The following OPTN variants were observed in gnomAD, a reference collection of about 807,000 sequenced individuals.
The protein encoded by OPTN is optineurin.
OPTN carries 54 observed loss-of-function variants against 70.4 expected under a neutral mutation model. The observed-to-expected ratio is 0.77, with a 90% CI of 0.62 to 0.96. OPTN has a LOEUF of 0.96. Among genes scored for constraint, OPTN ranks in the 40% least tolerant of loss-of-function variants. OPTN has a pLI of 0.00. For synonymous variants in OPTN, 256 were observed against 248.5 expected (o/e 1.03, Z -0.28); for missense variants, 624 against 673.2 (o/e 0.93, Z 0.81).
intron 6 of OPTN, among the ~76,000 whole-genome samples, chr10:13,116,812 A>T (rs1300655635): frequency 6.6e-6 from 1 of 152,184 alleles, no homozygotes; most frequent in Non-Finnish European, 1.5e-5. Context: ...TAGCACTCTC[A>T]GTCATTGTGG....
At chr10:13,108,882 GCACA>G in intron 2 of OPTN, 1 of 500,604 alleles carries the variant, frequency 2.0e-6, no homozygotes, top group Non-Finnish European at 3.7e-6. Flanking sequence ...ACACACACAC[GCACA>G]CACACACATG....
chr10:13,116,509 A>G, intron 6 of OPTN, 169 bp downstream of exon 6: 1 of 681,102 alleles, frequency 1.5e-6, no homozygotes, highest in East Asian at 2.7e-5. Context: ...GTTGCAGCTC[A>G]AACTGGCAAA....
In OPTN at chr10:13,122,242, T is replaced by C; in HGVS notation, c.780-143T>C. ...GGATGAAAAATAAAACTAATGCTAATATAGTGAATGTGTAGAGATTTTGAA... is the reference window on the plus strand; with the variant it reads ...GGATGAAAAATAAAACTAATGCTAACATAGTGAATGTGTAGAGATTTTGAA... On this transcript the variant is annotated intron_variant, in intron 7 of 14. Transcript: ENST00000378747. 4 of 665,614 alleles carry C rather than the reference T, an allele frequency of 6.0e-6. No individual in the cohort carries two copies. The East Asian group carries it at 8.4e-5, about 14-fold the overall frequency. 41.2% of individuals were successfully genotyped at this position (665,614 alleles called of 1,614,324 possible). A position where few individuals can be genotyped will look rare whatever the true frequency, so the allele number is the denominator to read the frequency against.
intron 13 of OPTN, 89 bp downstream of exon 13, chr10:13,132,286 T>A: frequency 1.3e-6 from 2 of 1,499,788 alleles, no homozygotes; most frequent in African/African-American, 1.4e-5. Context: ...ATTTGAACTA[T>A]AAGAATAGCT....
intron 9 of OPTN, among the ~76,000 whole-genome samples, chr10:13,124,936 T>C (rs1328560715): frequency 1.3e-5 from 2 of 152,252 alleles, no homozygotes; most frequent in African/African-American, 4.8e-5. Context: ...TGCATAGCTG[T>C]CATTTATTTG....
chr10:13,122,595 C>G (rs937113925), intron 8 of OPTN, 108 bp downstream of exon 8: 1 of 783,152 alleles, frequency 1.3e-6, no homozygotes, highest in Non-Finnish European at 2.3e-6. Context: ...ATATAGAAAT[C>G]ATGTTGATAT....
At chr10:13,123,945 A>T in intron 8 of OPTN, 50 bp from the exon 9 acceptor site, 3 of 1,365,670 alleles carry the variant, frequency 2.2e-6, no homozygotes, top group Non-Finnish European at 3.1e-6. Flanking sequence ...AGGTTTGTTT[A>T]ATGTCAGATG....
intron 11 of OPTN, among the ~76,000 whole-genome samples, chr10:13,126,447 A>G (rs1200275108): frequency 6.6e-6 from 1 of 150,836 alleles, no homozygotes. Flanking sequence ...CGCCCGGCTA[A>G]TTTTTTGTAT....
chr10:13,127,756 G>C lies in OPTN; in HGVS notation c.1254G>C (p.Val418=), dbSNP rs139523143. 2.2e-5 allele frequency: 36 copies of C among 1,614,118 alleles called. No homozygotes were observed. The highest frequency in any genetic ancestry group is 2.9e-5 in the Non-Finnish European group (34 of 1,179,984). The stretch of plus-strand genomic sequence containing the variant: ...TGTTTCTTTTTCAGTCAGAAAAAGT[G>C]GACAGGGCAGTGCTGAAGGAACTGA... ...EELTRKESEK[V]DRAVLKELSE... is the part of the protein sequence containing the mutation. Residue 418 remains valine (V), a synonymous_variant, in exon 12 of 15, where the codon GTG becomes GTC. Coordinates refer to ENST00000378747, the MANE Select transcript of OPTN (RefSeq NM_001008212.2).
chr10:13,129,707 T>TA (rs1833552166), intron 12 of OPTN, among the ~76,000 whole-genome samples: 1 of 152,242 alleles, frequency 6.6e-6, no homozygotes, highest in Admixed American at 6.5e-5. Flanking sequence ...AGCTGTCTTC[T>TA]AAAACTGCCT....
chr10:13,104,592 A>G, intron 1 of OPTN: 1 of 659,982 alleles, frequency 1.5e-6, no homozygotes, highest in Non-Finnish European at 2.9e-6. Flanking sequence ...AAGGCTTCTA[A>G]CATGAGGATA....
chr10:13,125,907 T>C, intron 10 of OPTN, 39 bp from the exon 11 acceptor site: 2 of 1,434,506 alleles, frequency 1.4e-6, no homozygotes, highest in Non-Finnish European at 2.0e-6. Flanking sequence ...TCTATGATAT[T>C]TTCCCCAGGA....
intron 5 of OPTN, among the ~76,000 whole-genome samples, chr10:13,114,964 TATATATA>T: frequency 1.2e-4 from 1 of 8,434 alleles, no homozygotes; most frequent in Non-Finnish European, 2.4e-4. Flanking sequence ...TATCTATATT[TATATATA>T]TTTATATATA....
chr10:13,133,435 C>G, intron 13 of OPTN, 67 bp from the exon 14 acceptor site: 1 of 1,342,588 alleles, frequency 7.4e-7, no homozygotes, highest in South Asian at 1.2e-5. Context: ...TGTGGACTGT[C>G]TGCTCAGTGT....
Position 13,121,500 on chromosome 10 carries a change from TAA to T in OPTN, c.780-859_780-858del, listed in dbSNP as rs200687404. On this transcript the variant is annotated intron_variant, in intron 7 of 14. Coordinates refer to ENST00000378747, the MANE Select transcript of OPTN (RefSeq NM_001008212.2). The stretch of plus-strand genomic sequence containing the variant: ...TTCTTTTTCTTGCCTGATTATCCTG[TAA>T]AAAAAAAAAAAAAAAAAAAAAAAAA... 1.1e-4 allele frequency among the ~76,000 whole-genome samples: 10 copies of T among 90,874 alleles called. No homozygotes were observed. In the South Asian group the frequency reaches 1.4e-3, roughly 12 times the overall value. The allele number at this position is 90,874 out of a possible 152,430, so 59.6% of individuals were successfully genotyped here. A position where few individuals can be genotyped will look rare whatever the true frequency, so the allele number is the denominator to read the frequency against.
intron 6 of OPTN, 60 bp downstream of exon 6, chr10:13,116,400 G>A (rs1833211177): frequency 8.6e-7 from 1 of 1,168,516 alleles, no homozygotes; most frequent in Non-Finnish European, 1.3e-6. Context: ...GTCACTGGGT[G>A]CTTGTCACCG....
At chr10:13,124,593 C>T (rs1384955476) in intron 9 of OPTN, among the ~76,000 whole-genome samples, 1 of 152,128 alleles carries the variant, frequency 6.6e-6, no homozygotes, top group Non-Finnish European at 1.5e-5. Flanking sequence ...AGAAGTTACC[C>T]AAAACTTAGC....
Position 13,127,907 on chromosome 10 carries a change from A to G in OPTN, c.1401+4A>G, listed in dbSNP as rs371470839. 8.3e-5 allele frequency: 134 copies of G among 1,614,030 alleles called. No homozygotes were observed. Among genetic ancestry groups the G allele is most frequent in the Non-Finnish European group, 1.0e-4 (118 of 1,180,028 alleles). On this transcript the variant is annotated splice_donor_region_variant and intron_variant, in intron 12 of 14. Transcript: ENST00000378747. ...CATGACCATCCTCAGGGCTCAGGTG[A>G]GGCACCTTCCAAAACCCCAGCTGAG...
intron 2 of OPTN, among the ~76,000 whole-genome samples, chr10:13,108,727 T>C (rs1832923127): frequency 6.6e-6 from 1 of 152,128 alleles, no homozygotes; most frequent in African/African-American, 2.4e-5. Context: ...TTTGTATTTT[T>C]AGTAGAGACG....
Sources: gnomAD v4.1 joint callset for allele counts (sites outside exome capture counted in the v4.1 genomes callset) on GRCh38, gnomAD v4.1.1 for gene constraint, MANE v1.5 for transcripts, NCBI Gene and HGNC (gene_info 2026-07-23, HGNC 2026-07-21) for gene names.